Variants in NAV2 observed in about 807,000 individuals in gnomAD.
The protein encoded by NAV2 is neuron navigator 2.
A neutral mutation model predicts 223.2 loss-of-function variants in NAV2; 54 were observed. The ratio of observed to expected loss-of-function variants is 0.24; its 90% CI spans 0.19 to 0.30. The LOEUF is 0.30. Ranked by LOEUF, NAV2 falls within the 10% of genes least tolerant of loss-of-function variation. The pLI is 1.00. For missense variants in NAV2, 2,806 were observed against 3,147.5 expected, an observed-to-expected ratio of 0.89 and a Z score of 2.60; for synonymous variants, 1,279 against 1,239.3, an observed-to-expected ratio of 1.03 and a Z score of -0.67.
chr11:19,954,650 C>T (rs183893346), intron 10 of NAV2, among the ~76,000 whole-genome samples: 2 of 152,202 alleles, frequency 1.3e-5, no homozygotes, highest in Non-Finnish European at 2.9e-5. Context: ...TAAGAGGGTG[C>T]TTCGTGCTCT....
intron 1 of NAV2, among the ~76,000 whole-genome samples, chr11:19,724,168 C>T (rs1251022314): frequency 1.3e-5 from 2 of 152,168 alleles, no homozygotes; most frequent in Non-Finnish European, 2.9e-5. Context: ...AGGAGTGTGA[C>T]TTGCCTCCAG....
intron 1 of NAV2, among the ~76,000 whole-genome samples, chr11:19,595,995 G>A (rs926354848): frequency 2.6e-5 from 4 of 152,130 alleles, no homozygotes; most frequent in South Asian, 2.1e-4. Flanking sequence ...TCTGTACCAC[G>A]TGCAGTGCAC....
intron 1 of NAV2, among the ~76,000 whole-genome samples, chr11:19,579,287 A>T (rs2045650217): frequency 6.6e-6 from 1 of 152,230 alleles, no homozygotes; most frequent in South Asian, 2.1e-4. Flanking sequence ...ATTCAGCATG[A>T]TAATTTAAGT....
chr11:19,440,706 C>A (rs1207967925), intron 1 of NAV2, among the ~76,000 whole-genome samples: 2 of 152,124 alleles, frequency 1.3e-5, no homozygotes. Flanking sequence ...ACTGTTGAAC[C>A]TGACTGCCCA....
chr11:19,685,540 T>G (rs563571267), intron 1 of NAV2, among the ~76,000 whole-genome samples: 34 of 152,290 alleles, frequency 2.2e-4, no homozygotes, highest in African/African-American at 7.9e-4. Flanking sequence ...AGGGTTCCCA[T>G]GCACTTAAAT....
At chr11:19,722,997 A>G (rs990958735) in intron 1 of NAV2, among the ~76,000 whole-genome samples, 2 of 152,218 alleles carry the variant, frequency 1.3e-5, no homozygotes, top group Non-Finnish European at 2.9e-5. Context: ...AAGAGCTGTG[A>G]GGATGTAATA....
At chr11:19,623,422 C>G (rs1394952274) in intron 1 of NAV2, among the ~76,000 whole-genome samples, 2 of 152,206 alleles carry the variant, frequency 1.3e-5, no homozygotes, top group Non-Finnish European at 2.9e-5. Flanking sequence ...TAGATTTGGT[C>G]TTTTCACATA....
chr11:20,066,297 G>A (rs2059038805), intron 20 of NAV2, among the ~76,000 whole-genome samples: 1 of 152,222 alleles, frequency 6.6e-6, no homozygotes, highest in African/African-American at 2.4e-5. Flanking sequence ...TGGTGGTAGT[G>A]AGGATAGATG....
At chr11:19,917,513 C>T (rs576867218) in intron 6 of NAV2, among the ~76,000 whole-genome samples, 5 of 152,254 alleles carry the variant, frequency 3.3e-5, no homozygotes, top group South Asian at 4.1e-4. Context: ...ACTGAAATGT[C>T]GTTGCCCCTC....
intron 3 of NAV2, among the ~76,000 whole-genome samples, chr11:19,850,048 C>T (rs926524530): frequency 6.6e-6 from 1 of 152,202 alleles, no homozygotes; most frequent in Non-Finnish European, 1.5e-5. Flanking sequence ...CTCTACACCC[C>T]AGCGAGACCA....
chr11:19,797,913 T>A (rs1484162498), intron 1 of NAV2, among the ~76,000 whole-genome samples: 1 of 152,226 alleles, frequency 6.6e-6, no homozygotes, highest in Admixed American at 6.5e-5. Context: ...CTGGAAATAC[T>A]GTTCACCTTT....
intron 11 of NAV2, among the ~76,000 whole-genome samples, chr11:20,035,156 C>T (rs1264508642): frequency 4.6e-5 from 7 of 151,588 alleles, no homozygotes; most frequent in Non-Finnish European, 8.8e-5. Context: ...GGCCTTTTAG[C>T]AGTAATCCAG....
intron 2 of NAV2, among the ~76,000 whole-genome samples, chr11:19,839,295 G>A (rs1009293285): frequency 6.6e-6 from 1 of 152,172 alleles, no homozygotes; most frequent in Non-Finnish European, 1.5e-5. Flanking sequence ...GTCACACAGG[G>A]AGGATGCCAG....
intron 10 of NAV2, among the ~76,000 whole-genome samples, chr11:19,952,603 A>C (rs952037699): frequency 2.0e-5 from 3 of 152,258 alleles, no homozygotes; most frequent in Admixed American, 6.5e-5. Flanking sequence ...AAAAGTTTAT[A>C]GTAAGTTTAT....
At chr11:20,062,121 A>G (rs2058744006) in intron 19 of NAV2, among the ~76,000 whole-genome samples, 186 bp from the exon 20 acceptor site, 2 of 152,342 alleles carry the variant, frequency 1.3e-5, no homozygotes, top group South Asian at 4.2e-4. Context: ...TAGAAAAGTG[A>G]CATCCTTAGC....
intron 1 of NAV2, among the ~76,000 whole-genome samples, chr11:19,558,913 G>T (rs2044999059): frequency 6.6e-6 from 1 of 152,174 alleles, no homozygotes; most frequent in Non-Finnish European, 1.5e-5. Context: ...AAGTGTGTTT[G>T]CCCTATACAT....
chr11:19,350,659 C>T, upstream of NAV2: 1 of 433,058 alleles, frequency 2.3e-6, no homozygotes, highest in Non-Finnish European at 4.3e-6. Flanking sequence ...TGTCTTTGCC[C>T]AGATTTGTCC....
chr11:19,717,250 C>T (rs754350435), intron 1 of NAV2, among the ~76,000 whole-genome samples: 24 of 152,246 alleles, frequency 1.6e-4, no homozygotes, highest in Non-Finnish European at 2.8e-4. Context: ...GGCAGATCTA[C>T]GAGGCAAATA....
intron 1 of NAV2, among the ~76,000 whole-genome samples, chr11:19,380,015 G>A (rs915306878): frequency 5.3e-5 from 8 of 151,836 alleles, no homozygotes. Flanking sequence ...TATTATAGTT[G>A]CAAAAGGGAT....
Sources: gnomAD v4.1 joint callset for allele counts (sites outside exome capture counted in the v4.1 genomes callset) on GRCh38, gnomAD v4.1.1 for gene constraint, MANE v1.5 for transcripts, NCBI Gene and HGNC (gene_info 2026-07-23, HGNC 2026-07-21) for gene names.